ZNF276: variants seen among roughly 807,000 people sequenced by gnomAD.
ZNF276 encodes zinc finger protein 276, also known as centromere protein Z.
In ZNF276, 59 loss-of-function variants were observed where a neutral mutation model predicts 63.9. The observed-to-expected ratio is 0.92, with a 90% CI of 0.75 to 1.15. The LOEUF (loss-of-function observed/expected upper bound fraction) is 1.15, where lower values mean the gene tolerates loss of function less well. Among genes scored for constraint, ZNF276 ranks in the 50% most tolerant of loss-of-function variants. The pLI is 0.00. For synonymous variants in ZNF276, 496 were observed against 348.4 expected (o/e 1.42, Z -4.72); for missense variants, 1,084 against 843.8 (o/e 1.28, Z -3.53).
chr16:89,721,831 G>A lies in ZNF276; in HGVS notation c.191G>A (p.Gly64Asp). ...VGSCGDAGED[G>D]ADEAGAGRAL... Reference sequence around the variant, plus strand: ...TCCTGCGGGGACGCGGGCGAGGACGGCGCGGACGAGGCAGGTGGGTCCGCG... The same window carrying A: ...TCCTGCGGGGACGCGGGCGAGGACGACGCGGACGAGGCAGGTGGGTCCGCG... The change falls in exon 1 of 11, where the codon GGC (glycine) becomes GAC (aspartate). Residue 64 changes from glycine (G) to aspartate (D), a missense_variant. Transcript: ENST00000443381. 1 of 1,219,928 alleles carries A rather than the reference G, an allele frequency of 8.2e-7. No homozygotes were observed. 75.6% of individuals were successfully genotyped at this position (1,219,928 alleles called of 1,614,324 possible).
intron 2 of ZNF276, 39 bp from the exon 3 acceptor site, chr16:89,723,098 C>T (rs28557782): frequency 1.2e-5 from 20 of 1,612,782 alleles, no homozygotes; most frequent in South Asian, 3.3e-5. Flanking sequence ...TGAACCTCCG[C>T]CTGCTTGTCC....
intron 5 of ZNF276, 107 bp downstream of exon 5, chr16:89,727,464 C>T (rs929060504): frequency 1.5e-6 from 2 of 1,294,348 alleles, no homozygotes; most frequent in Non-Finnish European, 2.2e-6. Context: ...TAAAATTTCT[C>T]CTTCAAAAAC....
intron 6 of ZNF276, among the ~76,000 whole-genome samples, chr16:89,729,532 G>A (rs906211094): frequency 1.3e-5 from 2 of 152,310 alleles, no homozygotes; most frequent in South Asian, 4.1e-4. Context: ...CTTTGGAGCT[G>A]GGACCTGGTC....
chr16:89,722,801 C>A lies in ZNF276; in HGVS notation c.476C>A (p.Ala159Asp), dbSNP rs780008254. 6.2e-7 allele frequency: 1 copy of A among 1,606,154 alleles called. No homozygotes were observed. Among genetic ancestry groups the A allele is most frequent in the Non-Finnish European group, 8.5e-7 (1 of 1,179,932 alleles). Residue 159 changes from alanine (A) to aspartate (D), a missense_variant, in exon 2 of 11, where the codon GCC becomes GAC. Transcript: ENST00000443381. ...AAGTCCTTCCTGCAGAGGGTCAACG[C>A]CTCCCCGGCTGGTCGCCGGAAGCCT... ...LLKSFLQRVN[A>D]SPAGRRKPCA...
intron 9 of ZNF276, 196 bp from the exon 10 acceptor site, chr16:89,737,610 A>T (rs2061979908): frequency 2.9e-6 from 3 of 1,039,284 alleles, no homozygotes; most frequent in Admixed American, 3.0e-5. Flanking sequence ...CAGCTGATGA[A>T]GCCACGTGAC....
chr16:89,728,392 G>A (rs1375989770), intron 5 of ZNF276, among the ~76,000 whole-genome samples: 3 of 150,340 alleles, frequency 2.0e-5, no homozygotes, highest in African/African-American at 7.4e-5. Flanking sequence ...ACCCAGCTAA[G>A]TTTTGTATTT....
intron 9 of ZNF276, 164 bp from the exon 10 acceptor site, chr16:89,737,642 A>C: frequency 8.0e-6 from 11 of 1,368,284 alleles, no homozygotes; most frequent in Non-Finnish European, 1.1e-5. Flanking sequence ...CAGTTTAAAG[A>C]TCTTAATAAA....
At chr16:89,736,459 G>A (rs1485441419) in intron 9 of ZNF276, among the ~76,000 whole-genome samples, 1 of 151,788 alleles carries the variant, frequency 6.6e-6, no homozygotes, top group Non-Finnish European at 1.5e-5. Context: ...CGAGTAGCTG[G>A]GACTACAGGT....
intron 6 of ZNF276, chr16:89,733,070 C>T (rs111443517): frequency 0.06 from 32,458 of 539,424 alleles, 1,182 homozygotes; most frequent in Middle Eastern, 0.092. Flanking sequence ...CTGCTGTGTT[C>T]ACCCCTGACC....
In ZNF276 at chr16:89,721,645, A is replaced by C; in HGVS notation, c.5A>C (p.Lys2Thr). The C allele has an allele frequency of 6.8e-7, 1 of 1,470,422 alleles. No individual in the cohort carries two copies. The highest frequency in any genetic ancestry group is 9.0e-7 in the Non-Finnish European group (1 of 1,116,396). The allele number at this position is 1,470,422 out of a possible 1,614,324, so 91.1% of individuals were successfully genotyped here. The change falls in exon 1 of 11, where the codon AAG becomes ACG. Residue 2 changes from lysine (K) to threonine (T), a missense_variant. Lys to Thr is a moderately conservative substitution (Grantham distance 78, BLOSUM62 -1). Coordinates refer to ENST00000443381, the MANE Select transcript of ZNF276 (RefSeq NM_001113525.2). M[K>T]RDRLGRFLSP... ...CTGCTGGCGTCCTCCGCTGCCATGA[A>C]GCGGGACCGGCTGGGCCGCTTCCTG...
intron 6 of ZNF276, among the ~76,000 whole-genome samples, chr16:89,729,901 T>C (rs1321245548): frequency 6.6e-6 from 1 of 152,214 alleles, no homozygotes; most frequent in Non-Finnish European, 1.5e-5. Flanking sequence ...TAGTGAGGGC[T>C]GGTTTTCACT....
rs17227431 is a variant in ZNF276 at position 89,738,203 on chromosome 16, C to T, written c.1802C>T (p.Ser601Phe). ...CCACCACCTGGGCCACCGAGCCCCTCTGTGACCACAGAGGGCCAGGCGGTG... is the reference window on the plus strand; with the variant it reads ...CCACCACCTGGGCCACCGAGCCCCTTTGTGACCACAGAGGGCCAGGCGGTG... ...AEPPPGPPSP[S>F]VTTEGQAVKP... Residue 601 changes from serine (S) to phenylalanine (F), a missense_variant, in exon 11 of 11, where the codon TCT (serine) becomes TTT (phenylalanine). Transcript: ENST00000443381. 3.7e-6 allele frequency: 6 copies of T among 1,611,368 alleles called. No individual in the cohort carries two copies. Among genetic ancestry groups the T allele is most frequent in the Non-Finnish European group, 8.5e-7 (1 of 1,179,188 alleles).
At chr16:89,720,484 T>C, upstream of ZNF276, 2 of 1,112,668 alleles carry the variant, frequency 1.8e-6, no homozygotes, top group Non-Finnish European at 2.2e-6. Context: ...TGGCGGACCC[T>C]CCTGCTACAT....
intron 8 of ZNF276, 122 bp downstream of exon 8, chr16:89,733,679 C>A (rs1345245184): frequency 1.7e-6 from 2 of 1,194,564 alleles, no homozygotes; most frequent in East Asian, 2.4e-5. Context: ...CTAGGTTAAC[C>A]GAGACCTGAA....
intron 6 of ZNF276, chr16:89,731,719 C>T (rs909553303): frequency 2.0e-5 from 3 of 152,334 alleles, no homozygotes; most frequent in Non-Finnish European, 4.4e-5. Context: ...CCACTGGACT[C>T]GGCAGTGTAA....
upstream of ZNF276, chr16:89,720,467 G>A: frequency 9.2e-7 from 1 of 1,089,306 alleles, no homozygotes. Flanking sequence ...GATTTTGGAA[G>A]GTGGCCTGGC....
chr16:89,732,637 G>T (rs12446555), intron 6 of ZNF276: 10,524 of 213,494 alleles, frequency 0.049, 380 homozygotes, highest in Non-Finnish European at 0.068. Context: ...GCCCTCCGCT[G>T]TGTTTGCCCT....
chr16:89,738,640 G>A lies in ZNF276; in HGVS notation c.*394G>A, dbSNP rs371228419. 7 of 1,613,592 alleles carry A rather than the reference G, an allele frequency of 4.3e-6. No homozygotes were observed. The highest frequency in any genetic ancestry group is 4.0e-5 in the African/African-American group (3 of 74,928). On this transcript the variant is annotated 3_prime_UTR_variant, in exon 11 of 11. Transcript: ENST00000443381. ...GCTCCTGGGACAGGTCAGCGTCAGGGGCAGCCTGCTGTCTGCTCTGGAGGG... is the reference window on the plus strand; with the variant it reads ...GCTCCTGGGACAGGTCAGCGTCAGGAGCAGCCTGCTGTCTGCTCTGGAGGG...
intron 2 of ZNF276, 94 bp from the exon 3 acceptor site, chr16:89,723,043 C>T (rs1386702397): frequency 2.5e-6 from 4 of 1,608,586 alleles, no homozygotes; most frequent in East Asian, 4.5e-5. Flanking sequence ...CTATGGGGAC[C>T]GCTGAGGTTT....
Sources: gnomAD v4.1 joint callset for allele counts (sites outside exome capture counted in the v4.1 genomes callset) on GRCh38, gnomAD v4.1.1 for gene constraint, MANE v1.5 for transcripts, NCBI Gene and HGNC (gene_info 2026-07-23, HGNC 2026-07-21) for gene names.